The following BCAS3 variants were observed in gnomAD, a reference collection of about 807,000 sequenced individuals.
BCAS3 encodes BCAS3 microtubule associated cell migration factor, also known as BCAS4/BCAS3 fusion.
BCAS3 carries 53 observed loss-of-function variants against 116.1 expected under a neutral mutation model. The observed-to-expected ratio is 0.46, with a 90% CI of 0.37 to 0.57. The LOEUF (loss-of-function observed/expected upper bound fraction) is 0.57, where lower values mean the gene tolerates loss of function less well. Among genes scored for constraint, BCAS3 ranks in the 20% least tolerant of loss-of-function variants. The probability of loss-of-function intolerance (pLI) is 0.00; values close to 1 mark genes in which losing one functional copy is unlikely to be tolerated. For synonymous variants in BCAS3, 391 were observed against 408.2 expected (o/e 0.96, Z 0.51); for missense variants, 917 against 1,165.4 (o/e 0.79, Z 3.10).
rs541802803 is a variant in BCAS3 at position 61,302,717 on chromosome 17, C to T, written c.2426-65610C>T. Among the ~76,000 whole-genome samples the T allele has an allele frequency of 2.0e-5, 3 of 152,176 alleles. No individual in the cohort carries two copies. Among genetic ancestry groups the T allele is most frequent in the Non-Finnish European group, 4.4e-5 (3 of 68,010 alleles). On this transcript the variant is annotated intron_variant, in intron 22 of 23. Transcript: ENST00000407086. This position sits in a 1 kb window ranked among gnomAD's most constrained non-coding sequence, Gnocchi z 4.4. Reference sequence around the variant, plus strand: ...TCAGCTTTGAAAGAACAGACAACCCCACTTTATCTGATCCTTCATTTACAA... The same window carrying T: ...TCAGCTTTGAAAGAACAGACAACCCTACTTTATCTGATCCTTCATTTACAA...
chr17:61,254,397 GT>G (rs1568676775), intron 22 of BCAS3, among the ~76,000 whole-genome samples: 1 of 152,142 alleles, frequency 6.6e-6, no homozygotes, highest in African/African-American at 2.4e-5. Context: ...TGCCTCAATT[GT>G]TTTTTCCTTT....
intron 22 of BCAS3, among the ~76,000 whole-genome samples, chr17:61,242,926 A>C (rs188654466): frequency 2.0e-5 from 3 of 149,564 alleles, no homozygotes; most frequent in African/African-American, 7.3e-5. Flanking sequence ...TTTTTTTGAG[A>C]CGGAGTCTTG....
intron 9 of BCAS3, among the ~76,000 whole-genome samples, chr17:60,880,807 A>G (rs1467477618): frequency 6.6e-6 from 1 of 152,126 alleles, no homozygotes; most frequent in Non-Finnish European, 1.5e-5. Context: ...CTTATTTGCC[A>G]TTTGTATATC....
Position 60,967,134 on chromosome 17 carries a change from C to T in BCAS3, c.1221+19782C>T, listed in dbSNP as rs369975193. On this transcript the variant is annotated intron_variant, in intron 14 of 23. Coordinates refer to ENST00000407086, the MANE Select transcript of BCAS3 (RefSeq NM_017679.5). This position sits in a 1 kb window ranked among gnomAD's most constrained non-coding sequence, Gnocchi z 4.7. ...TTGTGTTTCACCATGTACTTTTTAC[C>T]AGTGGGTTTTATACCTTGAAAAGCT... Among the ~76,000 whole-genome samples the T allele has an allele frequency of 2.0e-4, 30 of 152,006 alleles. 1 individual carries two copies. The highest frequency in any genetic ancestry group is 1.2e-3 in the Admixed American group (19 of 15,254).
intron 14 of BCAS3, among the ~76,000 whole-genome samples, chr17:60,965,705 G>T (rs1235516784): frequency 1.3e-5 from 2 of 152,238 alleles, no homozygotes; most frequent in South Asian, 4.1e-4. Flanking sequence ...GGCCAGAAAA[G>T]ATATTTGATA....
chr17:60,810,586 T>C, intron 7 of BCAS3: 1 of 755,742 alleles, frequency 1.3e-6, no homozygotes. Flanking sequence ...GGCTCAGATC[T>C]TCCCAAATAC....
At position 61,391,830 on chromosome 17, in the gene BCAS3, C is replaced by A; in HGVS notation, c.2594-147C>A. 1.2e-6 allele frequency: 1 copy of A among 822,104 alleles called. No homozygotes were observed. Among genetic ancestry groups the A allele is most frequent in the South Asian group, 1.7e-5 (1 of 58,938 alleles). The allele number at this position is 822,104 out of a possible 1,614,324, so 50.9% of individuals were successfully genotyped here. A position where few individuals can be genotyped will look rare whatever the true frequency, so the allele number is the denominator to read the frequency against. ...TCCTGTGACCTGAGCTGCCCCCTGC[C>A]CATCCAGGGAGCAGGCGGGGATCCC... On this transcript the variant is annotated intron_variant, in intron 23 of 23. Coordinates refer to ENST00000407086, the MANE Select transcript of BCAS3 (RefSeq NM_017679.5). This position sits in a 1 kb window ranked among gnomAD's most constrained non-coding sequence, Gnocchi z 7.7.
chr17:60,859,369 C>T (rs2053963681), intron 7 of BCAS3, among the ~76,000 whole-genome samples: 1 of 151,960 alleles, frequency 6.6e-6, no homozygotes, highest in Admixed American at 6.6e-5. Context: ...AAGTAGGCCC[C>T]GGTGTCTGTT....
intron 19 of BCAS3, among the ~76,000 whole-genome samples, chr17:61,048,275 A>G (rs1241137777): frequency 6.6e-6 from 1 of 152,018 alleles, no homozygotes; most frequent in African/African-American, 2.4e-5. Flanking sequence ...TCCTGCATGT[A>G]GCAACAACAG....
Position 61,228,723 on chromosome 17 carries a change from C to CAGTT in BCAS3, c.2426-139603_2426-139600dup, listed in dbSNP as rs1442025350. ...TTTGCGTTCTGACTGCTCCACTGAC[C>CAGTT]AGTTGTTCCTCCATCTCTCTGCCTT... is the stretch of plus-strand genomic sequence containing the variant. On this transcript the variant is annotated intron_variant, in intron 22 of 23. Coordinates refer to ENST00000407086, the MANE Select transcript of BCAS3 (RefSeq NM_017679.5). The surrounding 1 kb of genome is among the most constrained non-coding windows in gnomAD (Gnocchi z 5.0). Among the ~76,000 whole-genome samples the CAGTT allele has an allele frequency of 6.6e-6, 1 of 152,156 alleles. No homozygotes were observed. Among genetic ancestry groups the CAGTT allele is most frequent in the Admixed American group, 6.5e-5 (1 of 15,268 alleles).
rs199604062 is a variant in BCAS3 at position 61,287,243 on chromosome 17, TA to T, written c.2426-81070del. 3.2e-3 allele frequency among the ~76,000 whole-genome samples: 441 copies of T among 136,132 alleles called. 3 individuals are homozygous for T. Among genetic ancestry groups the T allele is most frequent in the African/African-American group, 9.4e-3 (348 of 36,938 alleles). 89.3% of individuals were successfully genotyped at this position (136,132 alleles called of 152,430 possible). A position where few individuals can be genotyped will look rare whatever the true frequency, so the allele number is the denominator to read the frequency against. On this transcript the variant is annotated intron_variant, in intron 22 of 23. Coordinates refer to ENST00000407086, the MANE Select transcript of BCAS3 (RefSeq NM_017679.5). The stretch of plus-strand genomic sequence containing the variant: ...AGCCTGGGCAACAGAGCCAGACTCT[TA>T]AAAAAAAAAAAAACTCTATGGAGTT...
chr17:61,331,789 C>T (rs1468986991), intron 22 of BCAS3, among the ~76,000 whole-genome samples: 2 of 152,174 alleles, frequency 1.3e-5, no homozygotes, highest in Non-Finnish European at 2.9e-5. Flanking sequence ...TTGTGTCACT[C>T]CAGTCGAGCG....
chr17:61,269,961 G>A (rs139064373), intron 22 of BCAS3, among the ~76,000 whole-genome samples: 1,588 of 151,570 alleles, frequency 0.01, 10 homozygotes, highest in Non-Finnish European at 0.017. Flanking sequence ...GTGCCACCAC[G>A]CCTGGCTAAA....
intron 23 of BCAS3, among the ~76,000 whole-genome samples, chr17:61,375,090 CTT>C (rs1277788946): frequency 2.0e-5 from 3 of 152,140 alleles, no homozygotes; most frequent in Non-Finnish European, 2.9e-5. Context: ...TTCTTTTTCT[CTT>C]GTTAACATAA....
intron 7 of BCAS3, among the ~76,000 whole-genome samples, chr17:60,820,192 C>T (rs1041256415): frequency 1.2e-4 from 18 of 152,020 alleles, no homozygotes; most frequent in African/African-American, 2.4e-4. Flanking sequence ...CTCAGCCTCC[C>T]GAGTAGCTGG....
intron 22 of BCAS3, among the ~76,000 whole-genome samples, chr17:61,177,299 A>G (rs556981575): frequency 9.9e-5 from 15 of 152,254 alleles, no homozygotes; most frequent in Non-Finnish European, 2.1e-4. Context: ...AGAAATGGAA[A>G]TAACCCAATG....
At chr17:60,954,167 G>A (rs1453319559) in intron 14 of BCAS3, among the ~76,000 whole-genome samples, 1 of 152,082 alleles carries the variant, frequency 6.6e-6, no homozygotes, top group Non-Finnish European at 1.5e-5. Context: ...AGATCAGATG[G>A]TTGTAGGTAT....
At chr17:61,155,716 A>G (rs1343601926) in intron 22 of BCAS3, among the ~76,000 whole-genome samples, 1 of 152,218 alleles carries the variant, frequency 6.6e-6, no homozygotes, top group African/African-American at 2.4e-5. Context: ...CAGATCACAT[A>G]TGGCATTATG....
chr17:60,809,614 C>T (rs2048607306), intron 7 of BCAS3, among the ~76,000 whole-genome samples: 1 of 152,200 alleles, frequency 6.6e-6, no homozygotes, highest in South Asian at 2.1e-4. Flanking sequence ...GCAGGTATTG[C>T]ATATGCCTGC....
Sources: allele counts gnomAD v4.1 joint callset (sites outside exome capture counted in the v4.1 genomes callset), GRCh38; gene constraint gnomAD v4.1.1; non-coding constraint Gnocchi (gnomAD v3.1); transcripts MANE v1.5; gene names NCBI Gene and HGNC (gene_info 2026-07-23, HGNC 2026-07-21).